The following CTNND2 variants were observed in gnomAD, a reference collection of about 807,000 sequenced individuals.
The protein encoded by CTNND2 is catenin delta-2.
A neutral mutation model predicts 144.4 loss-of-function variants in CTNND2; 22 were observed. That is an observed-to-expected ratio of 0.15 (90% CI 0.11 to 0.22). The LOEUF (loss-of-function observed/expected upper bound fraction) is 0.22. CTNND2 is among the 10% of genes least tolerant of loss of function. The pLI, the probability that CTNND2 is intolerant of heterozygous loss-of-function variation, is 1.00. For synonymous variants in CTNND2, 751 were observed against 695.6 expected, an observed-to-expected ratio of 1.08 and a Z score of -1.25; for missense variants, 1,353 against 1,618.8, an observed-to-expected ratio of 0.84 and a Z score of 2.82.
intron 3 of CTNND2, among the ~76,000 whole-genome samples, chr5:11,431,397 A>C (rs1435136869): frequency 6.6e-6 from 1 of 152,218 alleles, no homozygotes; most frequent in Non-Finnish European, 1.5e-5. Context: ...TCCATTAAAA[A>C]GGGATGTCCA....
chr5:11,871,739 T>C (rs536010372), intron 1 of CTNND2, among the ~76,000 whole-genome samples: 8 of 152,314 alleles, frequency 5.3e-5, no homozygotes, highest in African/African-American at 1.9e-4. Context: ...ATGAAACAAC[T>C]CTTCACAACT....
chr5:11,038,369 GC>G (rs1744311376), intron 16 of CTNND2, among the ~76,000 whole-genome samples: 1 of 152,212 alleles, frequency 6.6e-6, no homozygotes, highest in Non-Finnish European at 1.5e-5. Context: ...TGTGAACAAT[GC>G]ATGTGAAGGA....
intron 16 of CTNND2, among the ~76,000 whole-genome samples, chr5:11,070,671 A>AGAAT (rs1289584681): frequency 1.4e-5 from 2 of 147,846 alleles, no homozygotes; most frequent in Non-Finnish European, 3.0e-5. Flanking sequence ...ATAAGACAAC[A>AGAAT]GAATAATATC....
At chr5:11,062,092 T>TAG (rs1204895292) in intron 16 of CTNND2, among the ~76,000 whole-genome samples, 1 of 152,198 alleles carries the variant, frequency 6.6e-6, no homozygotes, top group African/African-American at 2.4e-5. Flanking sequence ...GACTGGTACA[T>TAG]AGTAGGCACT....
At chr5:11,742,669 GTTAT>G (rs1186885982) in intron 1 of CTNND2, among the ~76,000 whole-genome samples, 2 of 152,046 alleles carry the variant, frequency 1.3e-5, no homozygotes, top group Non-Finnish European at 2.9e-5. Context: ...CCCAGGTATT[GTTAT>G]TTAAATATAT....
intron 3 of CTNND2, among the ~76,000 whole-genome samples, chr5:11,527,417 T>C (rs1402664529): frequency 3.3e-5 from 5 of 152,114 alleles, no homozygotes; most frequent in African/African-American, 1.2e-4. Context: ...AAGTCTCCAC[T>C]GCATCCCGCA....
chr5:11,252,105 C>T (rs567297245), intron 9 of CTNND2, among the ~76,000 whole-genome samples: 58 of 152,232 alleles, frequency 3.8e-4, no homozygotes, highest in Non-Finnish European at 6.9e-4. Context: ...TTATTATATT[C>T]AGCTTGTTCT....
At chr5:11,011,459 C>T (rs4702782) in intron 18 of CTNND2, among the ~76,000 whole-genome samples, 47,229 of 151,758 alleles carry the variant, frequency 0.31, 8,589 homozygotes, top group African/African-American at 0.5. Context: ...TCAAGTGATC[C>T]GCCTATCTCG....
chr5:11,281,935 A>T lies in CTNND2; in HGVS notation c.1629-45112T>A, dbSNP rs1428137575. 2.6e-5 allele frequency among the ~76,000 whole-genome samples: 4 copies of T among 152,222 alleles called. No individual in the cohort carries two copies. The East Asian group carries it at 7.7e-4, about 29-fold the overall frequency. The stretch of plus-strand genomic sequence containing the variant: ...AGCATAACACAGGTCAGCCCATAAC[A>T]TAGTGCTGAATAAACTATCCCAAAA... On this transcript the variant is annotated intron_variant, in intron 9 of 21. Transcript: ENST00000304623.
intron 1 of CTNND2, among the ~76,000 whole-genome samples, chr5:11,764,218 G>C (rs1333281197): frequency 6.6e-6 from 1 of 152,196 alleles, no homozygotes; most frequent in Non-Finnish European, 1.5e-5. Context: ...CTAGAAGTCA[G>C]AGAAGGCAGG....
At chr5:11,009,061 C>T (rs570882238) in intron 18 of CTNND2, among the ~76,000 whole-genome samples, 2 of 152,314 alleles carry the variant, frequency 1.3e-5, no homozygotes, top group Admixed American at 1.3e-4. Flanking sequence ...AATAGGACTT[C>T]CAAAATGACA....
intron 9 of CTNND2, among the ~76,000 whole-genome samples, chr5:11,264,159 AAGG>A (rs1289626596): frequency 1.3e-5 from 2 of 152,236 alleles, no homozygotes; most frequent in African/African-American, 2.4e-5. Context: ...TTTAAAATAC[AAGG>A]AGAATTGTCA....
chr5:11,392,013 C>T (rs752190685), intron 6 of CTNND2, among the ~76,000 whole-genome samples: 9 of 152,206 alleles, frequency 5.9e-5, no homozygotes, highest in Non-Finnish European at 8.8e-5. Context: ...AAACCACCCT[C>T]GCTGCTTTCT....
Position 11,351,688 on chromosome 5 carries a change from T to A in CTNND2, c.1373-5061A>T, listed in dbSNP as rs575619461. On this transcript the variant is annotated intron_variant, in intron 8 of 21. Coordinates refer to ENST00000304623, the MANE Select transcript of CTNND2 (RefSeq NM_001332.4). Reference sequence around the variant, plus strand: ...ATCTGGGCACACAGTTACAGAAACTTGGTGGGGGGAAATACAAGGTAATGT... The same window carrying A: ...ATCTGGGCACACAGTTACAGAAACTAGGTGGGGGGAAATACAAGGTAATGT... Among the ~76,000 whole-genome samples the A allele has an allele frequency of 2.0e-5, 3 of 152,102 alleles. No homozygotes were observed. The South Asian group carries it at 6.2e-4, about 32-fold the overall frequency.
chr5:11,559,791 T>C (rs79973616), intron 3 of CTNND2, among the ~76,000 whole-genome samples: 1 of 152,156 alleles, frequency 6.6e-6, no homozygotes, highest in Non-Finnish European at 1.5e-5. Context: ...ACAGTCCACA[T>C]CCTCACTGCT....
chr5:11,160,560 C>A (rs1333435082), intron 11 of CTNND2, among the ~76,000 whole-genome samples: 1 of 152,030 alleles, frequency 6.6e-6, no homozygotes, highest in Admixed American at 6.6e-5. Context: ...TTTGAAAATG[C>A]TTTTAAATAA....
chr5:11,771,777 G>T (rs1268957531), intron 1 of CTNND2, among the ~76,000 whole-genome samples: 1 of 152,178 alleles, frequency 6.6e-6, no homozygotes, highest in African/African-American at 2.4e-5. Context: ...ACTATTAAAA[G>T]AGATTAGAAT....
At chr5:11,400,413 G>A (rs1398764072) in intron 5 of CTNND2, among the ~76,000 whole-genome samples, 2 of 152,044 alleles carry the variant, frequency 1.3e-5, no homozygotes, top group South Asian at 2.1e-4. Context: ...CCTTCAAGAC[G>A]CTGACCTGAG....
At chr5:11,850,337 C>T (rs1483835831) in intron 1 of CTNND2, among the ~76,000 whole-genome samples, 2 of 151,918 alleles carry the variant, frequency 1.3e-5, no homozygotes, top group African/African-American at 2.4e-5. Context: ...TATTTTGTTT[C>T]GTAAAGACAA....
Sources: allele counts gnomAD v4.1 joint callset (sites outside exome capture counted in the v4.1 genomes callset), GRCh38; gene constraint gnomAD v4.1.1; transcripts MANE v1.5; gene names NCBI Gene and HGNC (gene_info 2026-07-23, HGNC 2026-07-21).